KXD1: variants seen among roughly 807,000 people sequenced by gnomAD.
KXD1 encodes KxDL motif containing 1.
A neutral mutation model predicts 12.1 loss-of-function variants in KXD1; 5 were observed. That is an observed-to-expected ratio of 0.41 (90% CI 0.22 to 0.87). The LOEUF (loss-of-function observed/expected upper bound fraction) is 0.87, where lower values mean the gene tolerates loss of function less well. Ranked by LOEUF, KXD1 falls within the 40% of genes least tolerant of loss-of-function variation. KXD1 has a pLI of 0.31. For synonymous variants in KXD1, 98 were observed against 100.5 expected (o/e 0.98, Z 0.15); for missense variants, 193 against 244.9 (o/e 0.79, Z 1.41).
chr19:18,563,873 C>G (rs1246743710), intron 2 of KXD1, among the ~76,000 whole-genome samples: 1 of 151,668 alleles, frequency 6.6e-6, no homozygotes, highest in East Asian at 2.0e-4. Flanking sequence ...CACCCTGCCT[C>G]AACCTCCTAA....
At chr19:18,558,975 CTTTTTTTTTTTTTTT>C (rs71336684) in intron 1 of KXD1, 1 of 55,566 alleles carries the variant, frequency 1.8e-5, no homozygotes, top group East Asian at 6.7e-4. Context: ...CTCCAGGTGT[CTTTTTTTTTTTTTTT>C]TTTTTTTTTT....
At position 18,568,781 on chromosome 19, in the gene KXD1, G is replaced by A; in HGVS notation, c.*150G>A. 1.6e-6 allele frequency: 1 copy of A among 621,606 alleles called. No homozygotes were observed. Among genetic ancestry groups the A allele is most frequent in the Non-Finnish European group, 2.8e-6 (1 of 356,550 alleles). 38.5% of individuals were successfully genotyped at this position (621,606 alleles called of 1,614,324 possible). ...GGGGGACAAGGCTCTCTCCCGAGGG[G>A]TGTGGAATTCCTGGGGGGGTCTTTA... On this transcript the variant is annotated 3_prime_UTR_variant, in exon 5 of 5. Coordinates refer to ENST00000222307, the MANE Select transcript of KXD1 (RefSeq NM_024069.4).
At chr19:18,560,571 G>A (rs970570260) in intron 1 of KXD1, 1 of 152,158 alleles carries the variant, frequency 6.6e-6, no homozygotes, top group Non-Finnish European at 1.5e-5. Context: ...GCAATTCTTG[G>A]CTTTAATTTG....
In KXD1 at chr19:18,565,292, C is replaced by T. The variant is rs149403219; in HGVS notation, c.254+271C>T. 435 of 794,114 alleles carry T rather than the reference C, an allele frequency of 5.5e-4. 3 individuals are homozygous for T. In the African/African-American group the frequency reaches 5.6e-3, roughly 10 times the overall value. The allele number at this position is 794,114 out of a possible 1,614,324, so 49.2% of individuals were successfully genotyped here. On this transcript the variant is annotated intron_variant, in intron 3 of 4. Transcript: ENST00000222307. ...TTGCCCAGGCTGGAGTGCAGTGGCG[C>T]GACCTCAGCTCACTGCAAGCTCCGC...
intron 1 of KXD1, 147 bp from the exon 2 acceptor site, chr19:18,561,889 G>T (rs1277681058): frequency 9.6e-6 from 5 of 521,584 alleles, no homozygotes; most frequent in Non-Finnish European, 1.7e-5. Flanking sequence ...AGGTTCAGGT[G>T]GCATGACTGA....
Position 18,568,756 on chromosome 19 carries a change from G to A in KXD1, c.*125G>A. 1.4e-6 allele frequency: 1 copy of A among 693,968 alleles called. No homozygotes were observed. Among genetic ancestry groups the A allele is most frequent in the South Asian group, 1.8e-5 (1 of 55,616 alleles). 43.0% of individuals were successfully genotyped at this position (693,968 alleles called of 1,614,324 possible). On this transcript the variant is annotated 3_prime_UTR_variant, in exon 5 of 5. Transcript: ENST00000222307. ...CCCGTTCTGTCACCCAGGGCTCCTAGGGGGACAAGGCTCTCTCCCGAGGGG... is the reference window on the plus strand; with the variant it reads ...CCCGTTCTGTCACCCAGGGCTCCTAAGGGGACAAGGCTCTCTCCCGAGGGG...
chr19:18,563,422 C>G (rs549619361), intron 2 of KXD1, among the ~76,000 whole-genome samples: 2 of 150,024 alleles, frequency 1.3e-5, no homozygotes, highest in South Asian at 4.2e-4. Flanking sequence ...TTGCTGCTCA[C>G]TACATCCTCT....
intron 2 of KXD1, among the ~76,000 whole-genome samples, chr19:18,564,100 T>G (rs1184118719): frequency 2.6e-5 from 4 of 152,016 alleles, no homozygotes; most frequent in Admixed American, 6.6e-5. Flanking sequence ...TTGGCAAGGC[T>G]GGTCTCGAAC....
chr19:18,568,606 A>T lies in KXD1; in HGVS notation c.506A>T (p.Asp169Val). The change falls in exon 5 of 5, where the codon GAT (aspartate) becomes GTT (valine). Residue 169 changes from aspartate to valine, a missense_variant. Asp to Val is a radical substitution (Grantham distance 152). Coordinates refer to ENST00000222307, the MANE Select transcript of KXD1 (RefSeq NM_024069.4). ...GCCATCAACGGCCGCAGCCAGACAG[A>T]TGACGAGGAGATGACGGGCGAATAG... ...SPAINGRSQT[D>V]DEEMTGE 6.2e-7 allele frequency: 1 copy of T among 1,612,138 alleles called. No homozygotes were observed. The highest frequency in any genetic ancestry group is 1.7e-5 in the Admixed American group (1 of 60,006).
At chr19:18,561,768 G>T in intron 1 of KXD1, 2 of 257,794 alleles carry the variant, frequency 7.8e-6, no homozygotes. Context: ...CTGTGGCCTT[G>T]GGCTCATGGA....
chr19:18,568,676 C>T lies in KXD1; in HGVS notation c.*45C>T, dbSNP rs763870724. ...GAGGGGGTCTCAGGGCAGCAGCATA[C>T]AAGGTGGCAGCGGGTAACCCTGCCT... On this transcript the variant is annotated 3_prime_UTR_variant, in exon 5 of 5. Coordinates refer to ENST00000222307, the MANE Select transcript of KXD1 (RefSeq NM_024069.4). The T allele has an allele frequency of 8.8e-6, 13 of 1,471,570 alleles. No individual in the cohort carries two copies. The East Asian group carries it at 2.5e-4, about 28-fold the overall frequency. The allele number at this position is 1,471,570 out of a possible 1,614,324, so 91.2% of individuals were successfully genotyped here.
At chr19:18,558,266 C>T (rs1600555311) in intron 1 of KXD1, 1 of 152,152 alleles carries the variant, frequency 6.6e-6, no homozygotes, top group African/African-American at 2.4e-5. Context: ...CCCCTCCCCA[C>T]TTGGGGTTTT....
intron 3 of KXD1, among the ~76,000 whole-genome samples, chr19:18,566,811 T>G (rs1600591430): frequency 1.3e-5 from 2 of 151,840 alleles, no homozygotes; most frequent in Admixed American, 1.3e-4. Flanking sequence ...AAAAAAAATT[T>G]ATCAGAGAAG....
Position 18,568,924 on chromosome 19 carries a change from T to A in KXD1, c.*293T>A, listed in dbSNP as rs942696021. ...GGGCACAGGGGAATTTTTCCAGAGC[T>A]GAGCCTGACGTCTGCTCTGAAGAAT... On this transcript the variant is annotated 3_prime_UTR_variant, in exon 5 of 5. Transcript: ENST00000222307. 1 of 449,422 alleles carries A rather than the reference T, an allele frequency of 2.2e-6. No homozygotes were observed. Among genetic ancestry groups the A allele is most frequent in the African/African-American group, 2.0e-5 (1 of 50,816 alleles). 27.8% of individuals were successfully genotyped at this position (449,422 alleles called of 1,614,324 possible).
chr19:18,565,286 G>A (rs1297333300), intron 3 of KXD1: 1 of 900,180 alleles, frequency 1.1e-6, no homozygotes, highest in African/African-American at 1.7e-5. Flanking sequence ...CTGGAGTGCA[G>A]TGGCGCGACC....
At chr19:18,567,246 A>G (rs1568423149) in intron 4 of KXD1, 68 bp downstream of exon 4, 9 of 1,530,112 alleles carry the variant, frequency 5.9e-6, no homozygotes, top group Non-Finnish European at 7.2e-6. Context: ...GGCTTCTGGA[A>G]GGCCACCTTG....
intron 1 of KXD1, chr19:18,559,619 C>T (rs1974843755): frequency 6.6e-6 from 1 of 152,196 alleles, no homozygotes; most frequent in Non-Finnish European, 1.5e-5. Context: ...AAGCCACTGT[C>T]CTGTCACAGC....
chr19:18,562,813 C>T (rs1974988077), intron 2 of KXD1, among the ~76,000 whole-genome samples: 1 of 152,222 alleles, frequency 6.6e-6, no homozygotes, highest in African/African-American at 2.4e-5. Context: ...GGACTAGTCT[C>T]CCAGAGCCCA....
chr19:18,566,536 A>G (rs976199978), intron 3 of KXD1, among the ~76,000 whole-genome samples: 9 of 152,006 alleles, frequency 5.9e-5, no homozygotes, highest in African/African-American at 2.2e-4. Flanking sequence ...CATGCCTGTA[A>G]TCCCAGCAGT....
Sources: gnomAD v4.1 joint callset for allele counts (sites outside exome capture counted in the v4.1 genomes callset) on GRCh38, gnomAD v4.1.1 for gene constraint, MANE v1.5 for transcripts, NCBI Gene and HGNC (gene_info 2026-07-23, HGNC 2026-07-21) for gene names.